The following PXN variants were observed in gnomAD, a reference collection of about 807,000 sequenced individuals.
PXN encodes testicular tissue protein Li 134.
A neutral mutation model predicts 103.6 loss-of-function variants in PXN; 61 were observed. That is an observed-to-expected ratio of 0.59 (90% CI 0.48 to 0.73). The LOEUF (loss-of-function observed/expected upper bound fraction) is 0.73. Ranked by LOEUF, PXN falls within the 30% of genes least tolerant of loss-of-function variation. The pLI is 0.00. For synonymous variants in PXN, 562 were observed against 607.8 expected (o/e 0.92, Z 1.11); for missense variants, 1,274 against 1,460.3 (o/e 0.87, Z 2.08).
intron 1 of PXN, among the ~76,000 whole-genome samples, chr12:120,237,463 G>A (rs956848621): frequency 1.6e-4 from 24 of 152,064 alleles, no homozygotes; most frequent in African/African-American, 3.6e-4. Flanking sequence ...AGCCCCACCC[G>A]CATGTGTTCC....
At chr12:120,259,954 C>CG (rs1893608828) in intron 1 of PXN, among the ~76,000 whole-genome samples, 1 of 152,196 alleles carries the variant, frequency 6.6e-6, no homozygotes, top group African/African-American at 2.4e-5. Flanking sequence ...CCTCTGGATA[C>CG]GGGAAAGACA....
chr12:120,259,552 AT>A (rs1893539701), intron 1 of PXN, among the ~76,000 whole-genome samples: 1 of 152,194 alleles, frequency 6.6e-6, no homozygotes, highest in Non-Finnish European at 1.5e-5. Context: ...TTAAGGGAAG[AT>A]TTGGCCACTG....
At chr12:120,236,591 C>A (rs1234646547) in intron 1 of PXN, among the ~76,000 whole-genome samples, 1 of 151,704 alleles carries the variant, frequency 6.6e-6, no homozygotes, top group Non-Finnish European at 1.5e-5. Context: ...AATTCCCTGC[C>A]TCAGCCTCCC....
rs1026973488 is a variant in PXN at position 120,215,397 on chromosome 12, C to T, written c.2404-124G>A. 6.9e-7 allele frequency: 1 copy of T among 1,457,488 alleles called. No homozygotes were observed. Among genetic ancestry groups the T allele is most frequent in the Non-Finnish European group, 9.0e-7 (1 of 1,105,070 alleles). The allele number at this position is 1,457,488 out of a possible 1,614,324, so 90.3% of individuals were successfully genotyped here. A position where few individuals can be genotyped will look rare whatever the true frequency, so the allele number is the denominator to read the frequency against. ...AGCTGATGGAGACAAGAAGTACAACCTCCTCCAGGGGCCAGGAGCCCTAAA... is the reference window on the plus strand; with the variant it reads ...AGCTGATGGAGACAAGAAGTACAACTTCCTCCAGGGGCCAGGAGCCCTAAA... On this transcript the variant is annotated intron_variant, in intron 10 of 14. Transcript: ENST00000637617. The surrounding 1 kb of genome is among the most constrained non-coding windows in gnomAD (Gnocchi z 4.9).
chr12:120,222,812 G>C lies in PXN; in HGVS notation c.493+51C>G. On this transcript the variant is annotated intron_variant, in intron 4 of 14. Transcript: ENST00000637617. The surrounding 1 kb of genome is among the most constrained non-coding windows in gnomAD (Gnocchi z 4.7). The stretch of plus-strand genomic sequence containing the variant: ...GAGCCCTCCTGGGATCTAGAGGTCA[G>C]CAGATGGGCCCTGGGCCCTGGTAGA... 1.2e-6 allele frequency: 2 copies of C among 1,606,382 alleles called. No individual in the cohort carries two copies. Among genetic ancestry groups the C allele is most frequent in the Non-Finnish European group, 1.7e-6 (2 of 1,176,114 alleles).
Position 120,216,894 on chromosome 12 carries a change from T to A in PXN, c.1939A>T (p.Ile647Phe). The part of the protein sequence containing the change: ...SAQDWLTEGV[I>F]ITVQPRGKRA... ...TTCCCACGTGGCTGCACAGTGATGA[T>A]GACGCCCTCGGTCAGCCAGTCCTGG... Residue 647 changes from isoleucine (I) to phenylalanine (F), a missense_variant, in exon 8 of 15, where the codon ATC (isoleucine) becomes TTC (phenylalanine). Physicochemically the swap from Ile to Phe is conservative, Grantham distance 21. Coordinates refer to ENST00000637617, the MANE Select transcript of PXN (RefSeq NM_001385981.1). This position sits in a 1 kb window ranked among gnomAD's most constrained non-coding sequence, Gnocchi z 5.1. 6.6e-7 allele frequency: 1 copy of A among 1,517,910 alleles called. No individual in the cohort carries two copies. The allele number at this position is 1,517,910 out of a possible 1,614,324, so 94.0% of individuals were successfully genotyped here. A position where few individuals can be genotyped will look rare whatever the true frequency, so the allele number is the denominator to read the frequency against.
rs1407377447 is a variant in PXN at position 120,210,895 on chromosome 12, A to C, written c.*1419T>G. On this transcript the variant is annotated 3_prime_UTR_variant, in exon 15 of 15. Transcript: ENST00000637617. ...CAGAGGAGCCTGTCCCTCTGCCCCA[A>C]ATCCTATCATGCTCCCTTATGACCT... 1 of 152,634 alleles carries C rather than the reference A, an allele frequency of 6.6e-6. No homozygotes were observed. Among genetic ancestry groups the C allele is most frequent in the Admixed American group, 6.5e-5 (1 of 15,280 alleles). The allele number at this position is 152,634 out of a possible 1,614,324, so 9.5% of individuals were successfully genotyped here. A position where few individuals can be genotyped will look rare whatever the true frequency, so the allele number is the denominator to read the frequency against.
rs1008691852 is a variant in PXN at position 120,227,821 on chromosome 12, G to A, written c.14-3444C>T. ...AGCTTTACTTTGATTTCCAATGGGT[G>A]CAAATACCTGAGACTTCCCCATAGG... On this transcript the variant is annotated intron_variant, in intron 1 of 14. Coordinates refer to ENST00000637617, the MANE Select transcript of PXN (RefSeq NM_001385981.1). Among the ~76,000 whole-genome samples the A allele has an allele frequency of 2.6e-5, 4 of 152,218 alleles. No homozygotes were observed. In the South Asian group the frequency reaches 8.3e-4, roughly 31 times the overall value.
chr12:120,252,870 C>T (rs572864069), intron 1 of PXN, among the ~76,000 whole-genome samples: 34 of 151,938 alleles, frequency 2.2e-4, no homozygotes, highest in African/African-American at 7.5e-4. Flanking sequence ...TGGTGGCGGG[C>T]GCCTGTAATC....
Position 120,214,968 on chromosome 12 carries a change from G to C in PXN, c.2605C>G (p.Pro869Ala). Reference sequence around the variant, plus strand: ...CAGTGGGTGCAGACGAAGTGCTCGGGGTGCCACGTCTTCCCCATGGCGGTC... The same window carrying C: ...CAGTGGGTGCAGACGAAGTGCTCGGCGTGCCACGTCTTCCCCATGGCGGTC... Reference protein sequence around the residue: ...VVTAMGKTWHPEHFVCTHCQE... With the variant: ...VVTAMGKTWHAEHFVCTHCQE... The change falls in exon 12 of 15, where the codon CCC becomes GCC. Residue 869 changes from proline (P) to alanine (A), a missense_variant. Pro to Ala is a conservative substitution (Grantham distance 27, BLOSUM62 -1). Around this residue, in one of 2 missense-constraint regions of PXN, gnomAD observed 1,178 missense variants for 1,309.0 expected, o/e 0.90. Coordinates refer to ENST00000637617, the MANE Select transcript of PXN (RefSeq NM_001385981.1). This position sits in a 1 kb window ranked among gnomAD's most constrained non-coding sequence, Gnocchi z 5.0. The C allele has an allele frequency of 6.2e-7, 1 of 1,613,900 alleles. No individual in the cohort carries two copies. The highest frequency in any genetic ancestry group is 8.5e-7 in the Non-Finnish European group (1 of 1,179,830).
chr12:120,231,076 A>G (rs1350543240), intron 1 of PXN, among the ~76,000 whole-genome samples: 2 of 152,250 alleles, frequency 1.3e-5, no homozygotes, highest in African/African-American at 4.8e-5. Flanking sequence ...GCAAACAGCC[A>G]GTGCGGAGGA....
chr12:120,262,017 G>A (rs1026478571), intron 1 of PXN, among the ~76,000 whole-genome samples: 23 of 152,252 alleles, frequency 1.5e-4, no homozygotes, highest in African/African-American at 3.4e-4. Context: ...GGTAAATGCC[G>A]CCTCTGCCAC....
chr12:120,230,465 G>C (rs1311378649), intron 1 of PXN, among the ~76,000 whole-genome samples: 2 of 152,196 alleles, frequency 1.3e-5, no homozygotes, highest in African/African-American at 4.8e-5. Context: ...CCTCCTTACA[G>C]TTGCCCACGC....
Position 120,215,669 on chromosome 12 carries a change from A to G in PXN, c.2302-8T>C, listed in dbSNP as rs756161397. ...TTGCTCCAGGCCCTGGATCTTAGATAGGGGAAGAGATGAGGGTAAGAAATC... is the reference window on the plus strand; with the variant it reads ...TTGCTCCAGGCCCTGGATCTTAGATGGGGGAAGAGATGAGGGTAAGAAATC... On this transcript the variant is annotated splice_polypyrimidine_tract_variant and splice_region_variant and intron_variant, in intron 9 of 14. Transcript: ENST00000637617. This position sits in a 1 kb window ranked among gnomAD's most constrained non-coding sequence, Gnocchi z 4.9. 1 of 1,598,110 alleles carries G rather than the reference A, an allele frequency of 6.3e-7. No individual in the cohort carries two copies. Among genetic ancestry groups the G allele is most frequent in the Admixed American group, 1.8e-5 (1 of 55,196 alleles).
At chr12:120,218,818 C>T (rs1478157435) in intron 7 of PXN, among the ~76,000 whole-genome samples, 2 of 152,198 alleles carry the variant, frequency 1.3e-5, no homozygotes, top group Non-Finnish European at 2.9e-5. Flanking sequence ...TGGAAATTCT[C>T]CCCACTTTAC....
chr12:120,227,137 T>A, intron 1 of PXN: 3 of 986,684 alleles, frequency 3.0e-6, no homozygotes, highest in Non-Finnish European at 3.6e-6. Context: ...AAAAGAAAAG[T>A]AATAAAGTAA....
At chr12:120,255,629 G>C (rs1464922300) in intron 1 of PXN, among the ~76,000 whole-genome samples, 1 of 152,104 alleles carries the variant, frequency 6.6e-6, no homozygotes, top group Non-Finnish European at 1.5e-5. Flanking sequence ...GGGAGGCGGA[G>C]GTTGCAGTGA....
intron 1 of PXN, among the ~76,000 whole-genome samples, chr12:120,261,737 C>T (rs1893917529): frequency 6.6e-6 from 1 of 152,182 alleles, no homozygotes; most frequent in Non-Finnish European, 1.5e-5. Context: ...ATGACCATCA[C>T]TAGGGAAGCT....
At chr12:120,237,703 T>C (rs963986670) in intron 1 of PXN, among the ~76,000 whole-genome samples, 10 of 152,122 alleles carry the variant, frequency 6.6e-5, no homozygotes, top group Admixed American at 5.2e-4. Flanking sequence ...GTCTACCTCA[T>C]CCAGCCCTGG....
Sources: gnomAD v4.1 joint callset for allele counts (sites outside exome capture counted in the v4.1 genomes callset) on GRCh38, gnomAD v4.1.1 for gene constraint, gnomAD v4.1.1 regional missense constraint, Gnocchi (gnomAD v3.1) non-coding constraint, MANE v1.5 for transcripts, NCBI Gene and HGNC (gene_info 2026-07-23, HGNC 2026-07-21) for gene names.